COL3A1: variants seen among roughly 807,000 people sequenced by gnomAD.
The protein encoded by COL3A1 is collagen alpha-1(III) chain.
A neutral mutation model predicts 200.9 loss-of-function variants in COL3A1; 46 were observed. That is an observed-to-expected ratio of 0.23 (90% CI 0.18 to 0.29). The LOEUF is 0.29. COL3A1 is among the 10% of genes least tolerant of loss of function. The pLI is 1.00. For missense variants in COL3A1, 1,367 were observed against 1,917.6 expected, an observed-to-expected ratio of 0.71 and a Z score of 5.36; for synonymous variants, 650 against 628.0, an observed-to-expected ratio of 1.03 and a Z score of -0.52.
In COL3A1 at chr2:189,012,514, A is replaced by T. The variant is rs1005052846; in HGVS notation, c.*740A>T. The stretch of plus-strand genomic sequence containing the variant: ...ATCAGAATTGTTGACTTGCATTCAG[A>T]ACATAAATGCACAAAATCTGTACAT... On this transcript the variant is annotated 3_prime_UTR_variant, in exon 51 of 51. Coordinates refer to ENST00000304636, the MANE Select transcript of COL3A1 (RefSeq NM_000090.4). 2.0e-5 allele frequency: 3 copies of T among 152,610 alleles called. No homozygotes were observed. Among genetic ancestry groups the T allele is most frequent in the Non-Finnish European group, 2.9e-5 (2 of 68,042 alleles). The allele number at this position is 152,610 out of a possible 1,614,324, so 9.5% of individuals were successfully genotyped here. A position where few individuals can be genotyped will look rare whatever the true frequency, so the allele number is the denominator to read the frequency against.
At position 188,991,507 on chromosome 2, in the gene COL3A1, C is replaced by T. The variant is rs138569287; in HGVS notation, c.873C>T (p.Gly291=). The T allele has an allele frequency of 6.8e-5, 109 of 1,610,294 alleles. 1 individual carries two copies. Among genetic ancestry groups the T allele is most frequent in the South Asian group, 6.7e-4 (61 of 90,794 alleles). ...PGLKGENGLP[G]ENGAPGPMGP... The stretch of plus-strand genomic sequence containing the variant: ...TCTAGGGTGAAAATGGTCTTCCAGG[C>T]GAAAATGGAGCTCCTGGACCCATGG... The change falls in exon 12 of 51, where the codon GGC becomes GGT. Residue 291 remains glycine (G), a synonymous_variant. Coordinates refer to ENST00000304636, the MANE Select transcript of COL3A1 (RefSeq NM_000090.4).
In COL3A1 at chr2:189,006,588, T is replaced by C. The variant is rs1688590472; in HGVS notation, c.3201+136T>C. ...TGTTTTACAGTTTTAATGCTAGTTG[T>C]TCCTTAGACAAATGTGTGAATAAGT... On this transcript the variant is annotated intron_variant, in intron 43 of 50. Coordinates refer to ENST00000304636, the MANE Select transcript of COL3A1 (RefSeq NM_000090.4). 6 of 878,492 alleles carry C rather than the reference T, an allele frequency of 6.8e-6. No individual in the cohort carries two copies. In the Admixed American group the frequency reaches 8.0e-5, roughly 12 times the overall value. The allele number at this position is 878,492 out of a possible 1,614,324, so 54.4% of individuals were successfully genotyped here.
intron 49 of COL3A1, 110 bp downstream of exon 49, chr2:189,010,475 GT>G: frequency 3.3e-6 from 5 of 1,498,174 alleles, no homozygotes; most frequent in Non-Finnish European, 4.6e-6. Flanking sequence ...CATAATTGCA[GT>G]TTTTGCTACT....
Position 189,002,214 on chromosome 2 carries a change from A to C in COL3A1, c.2392-84A>C, listed in dbSNP as rs544844340. 9 of 1,135,968 alleles carry C rather than the reference A, an allele frequency of 7.9e-6. No homozygotes were observed. In the East Asian group the frequency reaches 2.1e-4, roughly 27 times the overall value. 70.4% of individuals were successfully genotyped at this position (1,135,968 alleles called of 1,614,324 possible). A position where few individuals can be genotyped will look rare whatever the true frequency, so the allele number is the denominator to read the frequency against. On this transcript the variant is annotated intron_variant, in intron 34 of 50. Coordinates refer to ENST00000304636, the MANE Select transcript of COL3A1 (RefSeq NM_000090.4). Reference sequence around the variant, plus strand: ...ACATTTCCTGCTTAAAGGAAAGAAAAGATAAGATGATAAGATGACATTTCC... The same window carrying C: ...ACATTTCCTGCTTAAAGGAAAGAAACGATAAGATGATAAGATGACATTTCC...
intron 29 of COL3A1, 120 bp from the exon 30 acceptor site, chr2:188,999,165 A>G (rs1576468053): frequency 3.1e-6 from 3 of 971,302 alleles, no homozygotes; most frequent in Middle Eastern, 3.1e-4. Context: ...TAAGTATACA[A>G]ATTTCTAGAT....
Position 189,001,533 on chromosome 2 carries a change from C to T in COL3A1, c.2338-3C>T, listed in dbSNP as rs1404482132. On this transcript the variant is annotated splice_region_variant and splice_polypyrimidine_tract_variant and intron_variant, in intron 33 of 50. Coordinates refer to ENST00000304636, the MANE Select transcript of COL3A1 (RefSeq NM_000090.4). ...GACAGTGACATGGCTTCTCTTTTTC[C>T]AGGGTGAAGGTGGTGCCCCCGGACT... 6.2e-7 allele frequency: 1 copy of T among 1,613,880 alleles called. No individual in the cohort carries two copies. The highest frequency in any genetic ancestry group is 1.3e-5 in the African/African-American group (1 of 74,858).
At position 188,995,030 on chromosome 2, in the gene COL3A1, C is replaced by G. The variant is rs748670622; in HGVS notation, c.1456-16C>G. 3.7e-6 allele frequency: 6 copies of G among 1,612,896 alleles called. No homozygotes were observed. The highest frequency in any genetic ancestry group is 4.2e-6 in the Non-Finnish European group (5 of 1,178,900). ...AAATCCTTTGGACTGAAATACTTGT[C>G]TTTCATTATTTTCAGGGTGCCCCTG... On this transcript the variant is annotated splice_polypyrimidine_tract_variant and intron_variant, in intron 20 of 50. Coordinates refer to ENST00000304636, the MANE Select transcript of COL3A1 (RefSeq NM_000090.4).
At chr2:189,006,828 C>T in intron 43 of COL3A1, 109 bp from the exon 44 acceptor site, 1 of 1,087,802 alleles carries the variant, frequency 9.2e-7, no homozygotes, top group Non-Finnish European at 1.4e-6. Context: ...TAATTGCATG[C>T]ATACTATAAT....
Position 188,994,808 on chromosome 2 carries a change from C to T in COL3A1, c.1432C>T (p.Leu478Phe), listed in dbSNP as rs1688267957. ...GSPGEPGANG[L>F]PGAAGERGAP... is the part of the protein sequence containing the mutation. The stretch of plus-strand genomic sequence containing the variant: ...ACCTGGAGAACCTGGTGCAAATGGG[C>T]TTCCAGGAGCTGCAGGAGAAAGGGT... Residue 478 changes from leucine to phenylalanine, a missense_variant, in exon 20 of 51, where the codon CTT (leucine) becomes TTT (phenylalanine). By Grantham distance (22) the Leu-to-Phe change is conservative (BLOSUM62 0). Transcript: ENST00000304636. This position sits in a 1 kb window ranked among gnomAD's most constrained non-coding sequence, Gnocchi z 4.5. 6.2e-7 allele frequency: 1 copy of T among 1,613,338 alleles called. No individual in the cohort carries two copies. The highest frequency in any genetic ancestry group is 8.5e-7 in the Non-Finnish European group (1 of 1,179,914).
At position 188,990,986 on chromosome 2, in the gene COL3A1, G is replaced by C. The variant is rs1165403229; in HGVS notation, c.799-18G>C. ...TTAACAGATTTTAATAATTTTGCTG[G>C]TTTTATACATTTCCTAGGGCTTCGA... is the stretch of plus-strand genomic sequence containing the variant. On this transcript the variant is annotated intron_variant, in intron 10 of 50. Coordinates refer to ENST00000304636, the MANE Select transcript of COL3A1 (RefSeq NM_000090.4). 6.2e-7 allele frequency: 1 copy of C among 1,611,520 alleles called. No individual in the cohort carries two copies. Among genetic ancestry groups the C allele is most frequent in the Admixed American group, 1.7e-5 (1 of 59,976 alleles).
chr2:188,995,372 G>A (rs1688282982), intron 21 of COL3A1, among the ~76,000 whole-genome samples: 1 of 152,154 alleles, frequency 6.6e-6, no homozygotes. Flanking sequence ...TAAAATGCCT[G>A]AAAAGTCTTT....
At chr2:188,990,454 A>G in intron 10 of COL3A1, 94 bp downstream of exon 10, 4 of 976,702 alleles carry the variant, frequency 4.1e-6, no homozygotes, top group Non-Finnish European at 4.9e-6. Context: ...GCCAAAAAAT[A>G]TGATTCTGAC....
At chr2:188,991,781 TCA>T in intron 13 of COL3A1, 59 bp downstream of exon 13, 1 of 1,559,542 alleles carries the variant, frequency 6.4e-7, no homozygotes, top group Non-Finnish European at 8.8e-7. Flanking sequence ...TTTTACAGCC[TCA>T]GTAAAGTTTC....
chr2:188,984,480 T>C (rs1245632441), intron 1 of COL3A1, among the ~76,000 whole-genome samples: 1 of 152,066 alleles, frequency 6.6e-6, no homozygotes, highest in African/African-American at 2.4e-5. Flanking sequence ...TATACATTGA[T>C]GTTAATTCTT....
At chr2:189,002,911 A>C in intron 35 of COL3A1, 44 bp from the exon 36 acceptor site, 2 of 1,337,052 alleles carry the variant, frequency 1.5e-6, no homozygotes, top group South Asian at 1.3e-5. Flanking sequence ...CAATTGTATC[A>C]TAAAGAGTGT....
At chr2:188,985,980 G>A (rs1688057734) in intron 4 of COL3A1, among the ~76,000 whole-genome samples, 1 of 151,844 alleles carries the variant, frequency 6.6e-6, no homozygotes, top group Non-Finnish European at 1.5e-5. Context: ...TCCTCATAAT[G>A]CTAATGTCAT....
chr2:189,003,966 A>C lies in COL3A1; in HGVS notation c.2662-16A>C. 6.3e-7 allele frequency: 1 copy of C among 1,595,640 alleles called. No homozygotes were observed. On this transcript the variant is annotated splice_polypyrimidine_tract_variant and intron_variant, in intron 38 of 50. Transcript: ENST00000304636. The stretch of plus-strand genomic sequence containing the variant: ...TTTTTATTATAAATATTCAAATTTC[A>C]AACAATTATTTGTAGGGTAACCCAG...
rs1172910765 is a variant in COL3A1, at chr2:188,997,273, A to C, written c.1815+55A>C. The C allele has an allele frequency of 3.1e-6, 5 of 1,612,784 alleles. No individual in the cohort carries two copies. In the African/African-American group the frequency reaches 6.7e-5, roughly 22 times the overall value. On this transcript the variant is annotated intron_variant, in intron 25 of 50. Transcript: ENST00000304636. ...CCTTCTAATAGATGCGTTCATCTCC[A>C]ACCTTCTGACTTCTCTCTGTAATCT...
In COL3A1 at chr2:188,992,816, A is replaced by ACTTAT. The variant is rs1688215644; in HGVS notation, c.997-70_997-66dup. The ACTTAT allele has an allele frequency of 2.6e-6, 3 of 1,170,826 alleles. No homozygotes were observed. The East Asian group carries it at 7.0e-5, about 27-fold the overall frequency. The allele number at this position is 1,170,826 out of a possible 1,614,324, so 72.5% of individuals were successfully genotyped here. On this transcript the variant is annotated intron_variant, in intron 14 of 50. Transcript: ENST00000304636. The stretch of plus-strand genomic sequence containing the variant: ...TATCTTCTTTACTTTATATGTGCTC[A>ACTTAT]CTTATTTACTAGTATGTCAGCTTTC...
Sources: gnomAD v4.1 joint callset for allele counts (sites outside exome capture counted in the v4.1 genomes callset) on GRCh38, gnomAD v4.1.1 for gene constraint, Gnocchi (gnomAD v3.1) non-coding constraint, MANE v1.5 for transcripts, NCBI Gene and HGNC (gene_info 2026-07-23, HGNC 2026-07-21) for gene names.